Variants in PRKCSH observed in about 807,000 individuals in gnomAD.
PRKCSH encodes the protein glucosidase 2 subunit beta.
PRKCSH carries 42 observed loss-of-function variants against 79.7 expected under a neutral mutation model. The observed-to-expected ratio is 0.53, with a 90% CI of 0.41 to 0.68. PRKCSH has a LOEUF of 0.68. Ranked by LOEUF, PRKCSH falls within the 30% of genes least tolerant of loss-of-function variation. The probability of loss-of-function intolerance (pLI) is 0.00; values close to 1 mark genes in which losing one functional copy is unlikely to be tolerated. For synonymous variants in PRKCSH, 325 were observed against 288.2 expected, an observed-to-expected ratio of 1.13 and a Z score of -1.29; for missense variants, 686 against 709.0, an observed-to-expected ratio of 0.97 and a Z score of 0.37.
intron 7 of PRKCSH, among the ~76,000 whole-genome samples, chr19:11,444,710 G>A (rs966629437): frequency 2.6e-5 from 4 of 152,132 alleles, no homozygotes; most frequent in Non-Finnish European, 5.9e-5. Flanking sequence ...GGACTTTTGG[G>A]ACAGAGGCTC....
Position 11,449,271 on chromosome 19 carries a change from C to T in PRKCSH, c.1467C>T (p.Arg489=). ...WQGPNRSTTV[R]LLCGKETMVT... ...ACCCGTCTGCCCATCCCCAGGTGCG[C>T]CTCCTGTGCGGGAAAGAGACCATGG... Residue 489 remains arginine (R), a synonymous_variant, in exon 17 of 18, where the codon CGC becomes CGT. Coordinates refer to ENST00000677123, the MANE Select transcript of PRKCSH (RefSeq NM_001289104.2). The surrounding 1 kb of genome is among the most constrained non-coding windows in gnomAD (Gnocchi z 6.4). The T allele has an allele frequency of 1.2e-6, 2 of 1,613,738 alleles. No individual in the cohort carries two copies. Among genetic ancestry groups the T allele is most frequent in the Non-Finnish European group, 1.7e-6 (2 of 1,179,956 alleles).
Position 11,437,901 on chromosome 19 carries a change from C to T in PRKCSH, c.222C>T (p.Ser74=). The change falls in exon 4 of 18, where the codon AGC becomes AGT. Residue 74 remains serine (S), a synonymous_variant. Coordinates refer to ENST00000677123, the MANE Select transcript of PRKCSH (RefSeq NM_001289104.2). ...EPGTAACPNG[S]FHCTNTGYKP... ...GCACGGCTGCCTGTCCTAATGGCAG[C>T]TTCCACTGCACCAACACTGGCTATA... 1 of 1,614,140 alleles carries T rather than the reference C, an allele frequency of 6.2e-7. No homozygotes were observed. Among genetic ancestry groups the T allele is most frequent in the South Asian group, 1.1e-5 (1 of 91,088 alleles).
At chr19:11,436,830 C>T (rs1969774387) in intron 3 of PRKCSH, 7 of 382,610 alleles carry the variant, frequency 1.8e-5, no homozygotes, top group Non-Finnish European at 3.0e-5. Context: ...CAGCAGGAGA[C>T]AGAGGTGAAG....
intron 5 of PRKCSH, among the ~76,000 whole-genome samples, chr19:11,438,704 G>A (rs1284438296): frequency 2.0e-5 from 3 of 148,946 alleles, no homozygotes; most frequent in African/African-American, 7.4e-5. Context: ...GCAGTGAGCC[G>A]AGATCGCACC....
intron 6 of PRKCSH, among the ~76,000 whole-genome samples, chr19:11,441,909 C>T (rs902125939): frequency 3.9e-5 from 6 of 152,268 alleles, no homozygotes; most frequent in Middle Eastern, 6.8e-3. Context: ...AAGGGAAATT[C>T]GGGGTAGAGA....
Position 11,447,466 on chromosome 19 carries a change from T to C in PRKCSH, c.877T>C (p.Ser293Pro). ...ACTGCCCACCGACCTTCCAGCACCT[T>C]CTGCCCCTGACTTGACGGAGCCCAA... ...EALPTDLPAP[S>P]APDLTEPKEE... is the part of the protein sequence containing the mutation. Residue 293 changes from serine to proline, a missense_variant, in exon 11 of 18, where the codon TCT (serine) becomes CCT (proline). Ser to Pro is a moderately conservative substitution (Grantham distance 74). Coordinates refer to ENST00000677123, the MANE Select transcript of PRKCSH (RefSeq NM_001289104.2). This position sits in a 1 kb window ranked among gnomAD's most constrained non-coding sequence, Gnocchi z 5.6. 6.2e-7 allele frequency: 1 copy of C among 1,613,900 alleles called. No homozygotes were observed. Among genetic ancestry groups the C allele is most frequent in the East Asian group, 2.2e-5 (1 of 44,866 alleles).
rs761765814 is a variant in PRKCSH at position 11,448,634 on chromosome 19, G to A, written c.1286+5G>A. ...CTACGAGCTCACCACCAACGAGTGC[G>A]TCCCAGGAATGCAGGGGCCCCCACT... On this transcript the variant is annotated splice_donor_5th_base_variant and intron_variant, in intron 14 of 17. Coordinates refer to ENST00000677123, the MANE Select transcript of PRKCSH (RefSeq NM_001289104.2). This position sits in a 1 kb window ranked among gnomAD's most constrained non-coding sequence, Gnocchi z 4.4. The A allele has an allele frequency of 5.0e-6, 8 of 1,613,438 alleles. No individual in the cohort carries two copies. The highest frequency in any genetic ancestry group is 1.3e-5 in the African/African-American group (1 of 74,920).
Position 11,437,773 on chromosome 19 carries a change from T to C in PRKCSH, c.197-103T>C, listed in dbSNP as rs1328070025. The C allele has an allele frequency of 3.0e-5, 30 of 1,002,670 alleles. No individual in the cohort carries two copies. In the Admixed American group the frequency reaches 3.7e-4, roughly 12 times the overall value. 62.1% of individuals were successfully genotyped at this position (1,002,670 alleles called of 1,614,324 possible). A position where few individuals can be genotyped will look rare whatever the true frequency, so the allele number is the denominator to read the frequency against. ...CTTCCTTTGGTTTCCTTTCCTTTCT[T>C]GTGCTGTGTGCAGTGTGGGTCAGGG... On this transcript the variant is annotated intron_variant, in intron 3 of 17. Transcript: ENST00000677123.
chr19:11,444,933 C>G (rs373837395), intron 7 of PRKCSH, among the ~76,000 whole-genome samples: 29 of 152,256 alleles, frequency 1.9e-4, no homozygotes, highest in African/African-American at 5.5e-4. Context: ...ACCCCACCTC[C>G]CACCTCTGAC....
rs1040372972 is a variant in PRKCSH at position 11,446,948 on chromosome 19, C to T, written c.763-126C>T. ...GCCGCAGTGCCTCACTGGCGTGGCC[C>T]TGGCCTGGTCATCAGGGCCCGGGGC... On this transcript the variant is annotated intron_variant, in intron 9 of 17. Transcript: ENST00000677123. 1.5e-5 allele frequency: 15 copies of T among 996,398 alleles called. No homozygotes were observed. The Admixed American group carries it at 2.7e-4, about 18-fold the overall frequency. The allele number at this position is 996,398 out of a possible 1,614,324, so 61.7% of individuals were successfully genotyped here.
chr19:11,436,015 G>A (rs916561986), intron 1 of PRKCSH, 26 bp from the exon 2 acceptor site: 17 of 1,499,694 alleles, frequency 1.1e-5, no homozygotes, highest in Middle Eastern at 2.1e-4. Context: ...CTCTCCCACT[G>A]ACCGGGATCC....
chr19:11,435,849 C>T, intron 1 of PRKCSH, 143 bp downstream of exon 1: 1 of 1,200,696 alleles, frequency 8.3e-7, no homozygotes, highest in Non-Finnish European at 1.1e-6. Flanking sequence ...GCACAGGGAG[C>T]GGAGGTTTTG....
intron 1 of PRKCSH, 155 bp downstream of exon 1, chr19:11,435,861 G>C (rs1969695994): frequency 3.8e-6 from 4 of 1,065,792 alleles, no homozygotes; most frequent in African/African-American, 1.6e-5. Context: ...GAGGTTTTGA[G>C]ATCTTGAGAT....
intron 8 of PRKCSH, chr19:11,445,675 C>T (rs1185790697): frequency 9.4e-6 from 6 of 639,612 alleles, no homozygotes; most frequent in Admixed American, 6.7e-5. Flanking sequence ...ATAGGGGGAC[C>T]ACCCTCTCCC....
At chr19:11,441,519 T>C (rs1970061062) in intron 6 of PRKCSH, among the ~76,000 whole-genome samples, 162 bp downstream of exon 6, 1 of 152,156 alleles carries the variant, frequency 6.6e-6, no homozygotes, top group African/African-American at 2.4e-5. Context: ...CGTTTAGTCA[T>C]TGGCTAAGTA....
At position 11,436,522 on chromosome 19, in the gene PRKCSH, T is replaced by G. The variant is rs371445235; in HGVS notation, c.196+17T>G. 2 of 1,579,752 alleles carry G rather than the reference T, an allele frequency of 1.3e-6. No individual in the cohort carries two copies. The highest frequency in any genetic ancestry group is 1.7e-6 in the Non-Finnish European group (2 of 1,151,252). On this transcript the variant is annotated intron_variant, in intron 3 of 17. Transcript: ENST00000677123. ...ACGAGCCAGGTGAGCCTTTTCTCTG[T>G]TCATCCATCAGATGTTTATTGAACA...
chr19:11,449,049 G>C lies in PRKCSH; in HGVS notation c.1362-27G>C, dbSNP rs897225090. The C allele has an allele frequency of 8.1e-6, 13 of 1,613,064 alleles. No homozygotes were observed. The highest frequency in any genetic ancestry group is 1.1e-5 in the Non-Finnish European group (13 of 1,179,920). The stretch of plus-strand genomic sequence containing the variant: ...CTCCTGGTGCCCCGACACCGGCCCA[G>C]CCCTCAGCACCCTGTGTCTCTCACA... On this transcript the variant is annotated intron_variant, in intron 15 of 17. Coordinates refer to ENST00000677123, the MANE Select transcript of PRKCSH (RefSeq NM_001289104.2). The surrounding 1 kb of genome is among the most constrained non-coding windows in gnomAD (Gnocchi z 6.4).
intron 3 of PRKCSH, among the ~76,000 whole-genome samples, 169 bp from the exon 4 acceptor site, chr19:11,437,707 G>C (rs1285582530): frequency 6.6e-6 from 1 of 152,198 alleles, no homozygotes; most frequent in Non-Finnish European, 1.5e-5. Context: ...GCACTGGAGA[G>C]CTTTATTTCG....
intron 7 of PRKCSH, among the ~76,000 whole-genome samples, chr19:11,444,303 G>A (rs1006163081): frequency 3.9e-5 from 6 of 152,104 alleles, no homozygotes; most frequent in African/African-American, 9.7e-5. Context: ...AGAGGGAAGC[G>A]CCATGTTTTG....
Sources: allele counts gnomAD v4.1 joint callset (sites outside exome capture counted in the v4.1 genomes callset), GRCh38; gene constraint gnomAD v4.1.1; non-coding constraint Gnocchi (gnomAD v3.1); transcripts MANE v1.5; gene names NCBI Gene and HGNC (gene_info 2026-07-23, HGNC 2026-07-21).